ZNF708: variants seen among roughly 807,000 people sequenced by gnomAD.
ZNF708 encodes the protein zinc finger protein 708.
ZNF708 carries 44 observed loss-of-function variants against 47.0 expected under a neutral mutation model. The observed-to-expected ratio is 0.94, with a 90% CI of 0.74 to 1.20. The LOEUF (loss-of-function observed/expected upper bound fraction) is 1.20, where lower values mean the gene tolerates loss of function less well. ZNF708 is among the 50% of genes most tolerant of loss of function. The probability of loss-of-function intolerance (pLI) is 0.00; values close to 1 mark genes in which losing one functional copy is unlikely to be tolerated. For synonymous variants in ZNF708, 184 were observed against 218.5 expected, an observed-to-expected ratio of 0.84 and a Z score of 1.39; for missense variants, 557 against 656.0, an observed-to-expected ratio of 0.85 and a Z score of 1.65.
chr19:21,320,549 C>A (rs1216387592), intron 1 of ZNF708, among the ~76,000 whole-genome samples: 1 of 151,660 alleles, frequency 6.6e-6, no homozygotes, highest in Admixed American at 6.6e-5. Context: ...AAACATTAGA[C>A]AGGCATGGTG....
At chr19:21,319,074 T>C (rs1973074081) in intron 1 of ZNF708, among the ~76,000 whole-genome samples, 1 of 152,202 alleles carries the variant, frequency 6.6e-6, no homozygotes, top group African/African-American at 2.4e-5. Flanking sequence ...ATTTTATATT[T>C]CAGAAGTATA....
At chr19:21,303,868 A>C (rs531972117) in intron 3 of ZNF708, among the ~76,000 whole-genome samples, 51 of 152,138 alleles carry the variant, frequency 3.4e-4, no homozygotes, top group Non-Finnish European at 6.5e-4. Flanking sequence ...TATAACTATT[A>C]TATCTCTCTC....
intron 3 of ZNF708, among the ~76,000 whole-genome samples, chr19:21,298,226 C>T (rs2145152597): frequency 6.6e-6 from 1 of 152,190 alleles, no homozygotes; most frequent in African/African-American, 2.4e-5. Flanking sequence ...GATACACACC[C>T]TTCCCAATAG....
chr19:21,308,271 A>G (rs1401915383), intron 3 of ZNF708, among the ~76,000 whole-genome samples: 2 of 151,728 alleles, frequency 1.3e-5, no homozygotes, highest in Non-Finnish European at 2.9e-5. Context: ...ACATGAAACT[A>G]TAATAAATCT....
chr19:21,319,992 A>G (rs1188772880), intron 1 of ZNF708, among the ~76,000 whole-genome samples: 1 of 152,150 alleles, frequency 6.6e-6, no homozygotes, highest in Admixed American at 6.5e-5. Context: ...CCTGGCCAAC[A>G]TGGTGAAACC....
chr19:21,304,853 A>C (rs559321646), intron 3 of ZNF708, among the ~76,000 whole-genome samples: 5 of 152,158 alleles, frequency 3.3e-5, no homozygotes, highest in Non-Finnish European at 7.4e-5. Context: ...AGCCTGGGCA[A>C]CAGAGTAATA....
At position 21,310,524 on chromosome 19, in the gene ZNF708, T is replaced by C. The variant is rs1972876556; in HGVS notation, c.107A>G (p.Asn36Ser). Reference protein sequence around the residue: ...QNLYRNVMLENYRNLVFLGIA... With the variant: ...QNLYRNVMLESYRNLVFLGIA... ...ACCCAGGAATACCAGGTTTCTATAA[T>C]TCTCTAACATGACATTCCTATATAA... The change falls in exon 2 of 4, where the codon AAT (asparagine) becomes AGT (serine). Residue 36 changes from asparagine (N) to serine (S), a missense_variant. By Grantham distance (46) the Asn-to-Ser change is conservative. Transcript: ENST00000356929. 2.1e-6 allele frequency: 3 copies of C among 1,448,042 alleles called. No homozygotes were observed. The highest frequency in any genetic ancestry group is 2.7e-6 in the Non-Finnish European group (3 of 1,095,732). The allele number at this position is 1,448,042 out of a possible 1,614,324, so 89.7% of individuals were successfully genotyped here.
At chr19:21,320,977 T>G (rs1172119926) in intron 1 of ZNF708, among the ~76,000 whole-genome samples, 1 of 151,444 alleles carries the variant, frequency 6.6e-6, no homozygotes, top group Non-Finnish European at 1.5e-5. Flanking sequence ...CCGTCTCTAC[T>G]AAAAATACAA....
intron 3 of ZNF708, among the ~76,000 whole-genome samples, chr19:21,304,126 C>T (rs1401096198): frequency 6.6e-6 from 1 of 151,998 alleles, no homozygotes; most frequent in Non-Finnish European, 1.5e-5. Flanking sequence ...GCAGACTGTA[C>T]AGGAAGTGTG....
chr19:21,307,862 A>G (rs2145166685), intron 3 of ZNF708, among the ~76,000 whole-genome samples: 1 of 152,320 alleles, frequency 6.6e-6, no homozygotes, highest in African/African-American at 2.4e-5. Flanking sequence ...AATCTTACAT[A>G]TAAAAATACA....
intron 3 of ZNF708, among the ~76,000 whole-genome samples, chr19:21,297,765 A>G (rs1239494352): frequency 6.6e-6 from 1 of 152,176 alleles, no homozygotes; most frequent in Non-Finnish European, 1.5e-5. Context: ...AAAGACTGAA[A>G]GTAGCAAGAT....
intron 3 of ZNF708, among the ~76,000 whole-genome samples, chr19:21,308,344 A>G (rs1972827885): frequency 6.6e-6 from 1 of 151,890 alleles, no homozygotes; most frequent in Non-Finnish European, 1.5e-5. Flanking sequence ...CAGTGGCACA[A>G]TCGCAGCTCA....
At position 21,293,905 on chromosome 19, in the gene ZNF708, T is replaced by C. The variant is rs201602198; in HGVS notation, c.1061A>G (p.His354Arg). The change falls in exon 4 of 4, where the codon CAT becomes CGT. Residue 354 changes from histidine (H) to arginine (R), a missense_variant. Transcript: ENST00000356929. Reference sequence around the variant, plus strand: ...TTTCTCTTCAGTATGAATTATCTTATGTTTAGTAAGGGTTGAAAATACACT... The same window carrying C: ...TTTCTCTTCAGTATGAATTATCTTACGTTTAGTAAGGGTTGAAAATACACT... The part of the protein sequence containing the change: ...AFSVFSTLTK[H>R]KIIHTEEKPY... 126 of 1,613,404 alleles carry C rather than the reference T, an allele frequency of 7.8e-5. No homozygotes were observed. The highest frequency in any genetic ancestry group is 1.3e-5 in the Non-Finnish European group (15 of 1,179,810).
At chr19:21,321,633 G>A (rs1201187450) in intron 1 of ZNF708, among the ~76,000 whole-genome samples, 1 of 144,788 alleles carries the variant, frequency 6.9e-6, no homozygotes, top group Non-Finnish European at 1.5e-5. Flanking sequence ...GGGGAGGGGA[G>A]GGGAGGGGGA....
intron 3 of ZNF708, among the ~76,000 whole-genome samples, chr19:21,306,101 T>C (rs1013923043): frequency 6.6e-6 from 1 of 152,184 alleles, no homozygotes; most frequent in Non-Finnish European, 1.5e-5. Context: ...TACTTAAACA[T>C]GAAAAGATAA....
At chr19:21,324,423 C>A (rs1308422313) in intron 1 of ZNF708, among the ~76,000 whole-genome samples, 1 of 151,998 alleles carries the variant, frequency 6.6e-6, no homozygotes, top group Non-Finnish European at 1.5e-5. Context: ...CAAAATTAAC[C>A]AGGTGTGGTG....
In ZNF708 at chr19:21,293,113, ATTTGTAGGGT is replaced by A; in HGVS notation, c.*151_*160del. ...TTAAATGCTTTGCCACATTCTTTAC[ATTTGTAGGGT>A]TTCTCTCTAGTATGAATTATCTTTT... On this transcript the variant is annotated 3_prime_UTR_variant, in exon 4 of 4. Coordinates refer to ENST00000356929, the MANE Select transcript of ZNF708 (RefSeq NM_021269.3). 1 of 996,326 alleles carries A rather than the reference ATTTGTAGGGT, an allele frequency of 1.0e-6. No homozygotes were observed. Among genetic ancestry groups the A allele is most frequent in the Non-Finnish European group, 1.5e-6 (1 of 661,686 alleles). The allele number at this position is 996,326 out of a possible 1,614,324, so 61.7% of individuals were successfully genotyped here.
At chr19:21,294,868 A>G in intron 3 of ZNF708, 129 bp from the exon 4 acceptor site, 1 of 919,838 alleles carries the variant, frequency 1.1e-6, no homozygotes, top group Non-Finnish European at 1.5e-6. Flanking sequence ...TCCTTTATAG[A>G]CATATAAATG....
rs776743938 is a variant in ZNF708 at position 21,294,604 on chromosome 19, T to G, written c.362A>C (p.His121Pro). 5 of 1,614,170 alleles carry G rather than the reference T, an allele frequency of 3.1e-6. No individual in the cohort carries two copies. The East Asian group carries it at 1.1e-4, about 36-fold the overall frequency. Residue 121 changes from histidine (H) to proline (P), a missense_variant, in exon 4 of 4, where the codon CAC becomes CCC. Coordinates refer to ENST00000356929, the MANE Select transcript of ZNF708 (RefSeq NM_021269.3). ...GCKSVDEHKL[H>P]KGGHKGLNRC... The stretch of plus-strand genomic sequence containing the variant: ...GTTAAGTCCCTTGTGACCTCCTTTG[T>G]GCAACTTATGCTCATCCACACTTTT...
Sources: gnomAD v4.1 joint callset for allele counts (sites outside exome capture counted in the v4.1 genomes callset) on GRCh38, gnomAD v4.1.1 for gene constraint, MANE v1.5 for transcripts, NCBI Gene and HGNC (gene_info 2026-07-23, HGNC 2026-07-21) for gene names.